The following SLC1A6 variants were observed in gnomAD, a reference collection of about 807,000 sequenced individuals.
SLC1A6 encodes the protein excitatory amino acid transporter 4.
SLC1A6 carries 15 observed loss-of-function variants against 42.1 expected under a neutral mutation model. That is an observed-to-expected ratio of 0.36 (90% CI 0.24 to 0.55). The LOEUF is 0.55. Among genes scored for constraint, SLC1A6 ranks in the 20% least tolerant of loss-of-function variants. The pLI, the probability that SLC1A6 is intolerant of heterozygous loss-of-function variation, is 0.88. For synonymous variants in SLC1A6, 317 were observed against 319.7 expected (o/e 0.99, Z 0.09); for missense variants, 542 against 772.5 (o/e 0.70, Z 3.54).
intron 1 of SLC1A6, among the ~76,000 whole-genome samples, chr19:14,976,180 A>G (rs998232019): frequency 1.3e-5 from 2 of 152,092 alleles, no homozygotes; most frequent in African/African-American, 4.8e-5. Context: ...CTGAATATCC[A>G]CCCCAAGGAA....
chr19:14,959,261 C>T (rs2045488526), intron 6 of SLC1A6, among the ~76,000 whole-genome samples: 1 of 152,218 alleles, frequency 6.6e-6, no homozygotes, highest in African/African-American at 2.4e-5. Context: ...CCTCTGTTTT[C>T]CATTGCTTTT....
intron 1 of SLC1A6, among the ~76,000 whole-genome samples, chr19:14,995,326 C>CAA (rs1173848535): frequency 1.0e-3 from 54 of 52,880 alleles, no homozygotes; most frequent in East Asian, 5.1e-3. Context: ...ACTCCATCTC[C>CAA]AAAAAAAAAA....
At chr19:14,970,099 A>G (rs7252057) in intron 3 of SLC1A6, among the ~76,000 whole-genome samples, 27,739 of 152,064 alleles carry the variant, frequency 0.18, 2,902 homozygotes, top group South Asian at 0.28. Context: ...TTTAATAGAC[A>G]GGGTCTCACC....
In SLC1A6 at chr19:14,965,863, A is replaced by G. The variant is rs545597630; in HGVS notation, c.549-1502T>C. On this transcript the variant is annotated intron_variant, in intron 4 of 9. Coordinates refer to ENST00000594383, the MANE Select transcript of SLC1A6 (RefSeq NM_005071.3). ...AGACTCTGTTTCAAAAAAAAAAAAA[A>G]AAAGAAAGAAATAATGTCTTTGGCA... Among the ~76,000 whole-genome samples, 562 of 151,922 alleles carry G rather than the reference A, an allele frequency of 3.7e-3. 4 individuals carry two copies. Among genetic ancestry groups the G allele is most frequent in the African/African-American group, 0.011 (469 of 41,422 alleles).
intron 1 of SLC1A6, among the ~76,000 whole-genome samples, chr19:14,989,663 AAAAAC>A (rs1222012755): frequency 6.6e-6 from 1 of 152,072 alleles, no homozygotes; most frequent in African/African-American, 2.4e-5. Context: ...AGCCATTATA[AAAAAC>A]AAAACAAAAC....
chr19:14,951,835 A>G (rs907238044), intron 9 of SLC1A6, among the ~76,000 whole-genome samples: 15 of 148,872 alleles, frequency 1.0e-4, no homozygotes, highest in Non-Finnish European at 2.1e-4. Flanking sequence ...GTGTTTTTGA[A>G]ACAGAGTGTT....
intron 1 of SLC1A6, among the ~76,000 whole-genome samples, chr19:15,010,215 A>AAGAG (rs1351059380): frequency 2.4e-5 from 2 of 84,340 alleles, no homozygotes; most frequent in South Asian, 9.5e-4. Context: ...AGAAAAAAGA[A>AAGAG]AGAGAGAGAG....
chr19:14,968,057 C>T (rs2045593776), intron 4 of SLC1A6, among the ~76,000 whole-genome samples: 1 of 152,190 alleles, frequency 6.6e-6, no homozygotes, highest in African/African-American at 2.4e-5. Context: ...AATATGCATG[C>T]ATCAGGGCCA....
chr19:15,010,323 G>T (rs1412879292), intron 1 of SLC1A6, among the ~76,000 whole-genome samples: 1 of 152,166 alleles, frequency 6.6e-6, no homozygotes. Flanking sequence ...AGACTGCAAA[G>T]TGGCCAGCCA....
At chr19:14,998,675 G>T (rs938353925) in intron 1 of SLC1A6, among the ~76,000 whole-genome samples, 10 of 152,236 alleles carry the variant, frequency 6.6e-5, no homozygotes, top group Admixed American at 5.9e-4. Context: ...GGTCCTGAAA[G>T]AAATTGAGAT....
intron 1 of SLC1A6, among the ~76,000 whole-genome samples, chr19:14,991,633 A>AAAG (rs2045820605): frequency 6.6e-6 from 1 of 152,048 alleles, no homozygotes; most frequent in Admixed American, 6.6e-5. Flanking sequence ...AAAAAAAAAA[A>AAAG]AAAGACAATT....
chr19:15,004,665 T>C (rs1388509665), intron 1 of SLC1A6, among the ~76,000 whole-genome samples: 1 of 151,930 alleles, frequency 6.6e-6, no homozygotes, highest in Non-Finnish European at 1.5e-5. Context: ...TGCCACTTCA[T>C]TTCAGCCTGG....
intron 1 of SLC1A6, among the ~76,000 whole-genome samples, chr19:14,994,523 T>C (rs772993185): frequency 3.9e-5 from 6 of 152,174 alleles, no homozygotes; most frequent in Non-Finnish European, 7.4e-5. Context: ...AACTGCCCAG[T>C]CTACCCTCCA....
chr19:14,967,967 G>A (rs138312764), intron 4 of SLC1A6, among the ~76,000 whole-genome samples: 2 of 152,254 alleles, frequency 1.3e-5, no homozygotes, highest in Non-Finnish European at 2.9e-5. Flanking sequence ...GCCTAAATGT[G>A]ATACATTTAA....
At chr19:15,009,321 G>C (rs182157301) in intron 1 of SLC1A6, among the ~76,000 whole-genome samples, 8 of 110,504 alleles carry the variant, frequency 7.2e-5, no homozygotes. Flanking sequence ...ATATCACATA[G>C]ATATCCTATC....
rs539915837 is a variant in SLC1A6, at chr19:14,991,911, C to T, written c.6+18574G>A. Among the ~76,000 whole-genome samples the T allele has an allele frequency of 3.0e-4, 45 of 151,990 alleles. 1 individual carries two copies. In the South Asian group the frequency reaches 3.7e-3, roughly 13 times the overall value. On this transcript the variant is annotated intron_variant, in intron 1 of 8. Transcript: ENST00000430939. ...CGTGATCTTGGCTCACTGCAATCTC[C>T]GCCTCCCGGGTTCTAGTGATTCTCC... is the stretch of plus-strand genomic sequence containing the variant.
chr19:14,995,942 G>A (rs548040269), intron 1 of SLC1A6, among the ~76,000 whole-genome samples: 6 of 152,000 alleles, frequency 3.9e-5, no homozygotes, highest in Admixed American at 3.9e-4. Context: ...AGGAAAAGGG[G>A]GTGTCCATTT....
chr19:14,991,633 A>T (rs1481635605), intron 1 of SLC1A6, among the ~76,000 whole-genome samples: 1 of 152,048 alleles, frequency 6.6e-6, no homozygotes, highest in Non-Finnish European at 1.5e-5. Context: ...AAAAAAAAAA[A>T]AAAGACAATT....
At chr19:14,955,987 CAA>C (rs1328100695) in intron 7 of SLC1A6, among the ~76,000 whole-genome samples, 1 of 151,948 alleles carries the variant, frequency 6.6e-6, no homozygotes, top group Non-Finnish European at 1.5e-5. Context: ...TGCTACTTTT[CAA>C]ATTTGTTTTT....
Sources: allele counts gnomAD v4.1 joint callset (sites outside exome capture counted in the v4.1 genomes callset), GRCh38; gene constraint gnomAD v4.1.1; transcripts MANE v1.5; gene names NCBI Gene and HGNC (gene_info 2026-07-23, HGNC 2026-07-21).